GAN: variants seen among roughly 807,000 people sequenced by gnomAD.
The protein encoded by GAN is epididymis secretory sperm binding protein.
GAN carries 48 observed loss-of-function variants against 71.3 expected under a neutral mutation model. The ratio of observed to expected loss-of-function variants is 0.67; its 90% CI spans 0.53 to 0.86. GAN has a LOEUF of 0.86. Ranked by LOEUF, GAN falls within the 40% of genes least tolerant of loss-of-function variation. The probability of loss-of-function intolerance (pLI) is 0.00; values close to 1 mark genes in which losing one functional copy is unlikely to be tolerated. For synonymous variants in GAN, 386 were observed against 276.8 expected, an observed-to-expected ratio of 1.39 and a Z score of -3.92; for missense variants, 928 against 770.1, an observed-to-expected ratio of 1.21 and a Z score of -2.43.
intron 9 of GAN, among the ~76,000 whole-genome samples, chr16:81,371,346 T>A (rs1911030670): frequency 6.6e-6 from 1 of 152,246 alleles, no homozygotes; most frequent in Non-Finnish European, 1.5e-5. Flanking sequence ...AAATGGGTTC[T>A]AATTTTTCTG....
At chr16:81,347,759 G>C (rs796872382) in intron 1 of GAN, among the ~76,000 whole-genome samples, 42 of 152,234 alleles carry the variant, frequency 2.8e-4, no homozygotes, top group African/African-American at 1.0e-3. Flanking sequence ...AAGCCATTCT[G>C]ATTCTTGATC....
At chr16:81,361,748 A>G (rs2925993) in intron 5 of GAN, among the ~76,000 whole-genome samples, 136,626 of 152,302 alleles carry the variant, frequency 0.9, 61,398 homozygotes, top group East Asian at 0.99. Flanking sequence ...AGGCTGGAGT[A>G]CAATGGCATG....
chr16:81,361,287 G>C (rs1156334088), intron 5 of GAN, among the ~76,000 whole-genome samples: 3 of 152,098 alleles, frequency 2.0e-5, no homozygotes, highest in African/African-American at 4.8e-5. Flanking sequence ...AGATGTCCTG[G>C]GATGTTAGAA....
In GAN at chr16:81,354,535, G is replaced by A. The variant is rs119485092; in HGVS notation, c.413G>A (p.Arg138His). The A allele has an allele frequency of 1.9e-6, 3 of 1,613,984 alleles. No individual in the cohort carries two copies. Among genetic ancestry groups the A allele is most frequent in the South Asian group, 1.1e-5 (1 of 91,076 alleles). ...GCTGCTGAGAACTGTATTGGTATCC[G>A]TGACTTTGCACTACATTACTGCCTC... is the stretch of plus-strand genomic sequence containing the variant. ...CIAAENCIGI[R>H]DFALHYCLHH... The change falls in exon 3 of 11, where the codon CGT becomes CAT. Residue 138 changes from arginine to histidine, a missense_variant. Arg to His is a conservative substitution (Grantham distance 29). Transcript: ENST00000648994.
At chr16:81,373,224 G>C (rs1353315379) in intron 9 of GAN, among the ~76,000 whole-genome samples, 1 of 152,224 alleles carries the variant, frequency 6.6e-6, no homozygotes, top group Non-Finnish European at 1.5e-5. Context: ...TAGGGATGAT[G>C]GAGTGATGAC....
rs1904286797 is a variant in GAN at position 81,377,705 on chromosome 16, A to G, written c.*109A>G. ...AACTCACTCTGTGCTGGGCTTTGGT[A>G]TGGTAACTCTTTGGTGGTTTTATGA... On this transcript the variant is annotated 3_prime_UTR_variant, in exon 11 of 11. Transcript: ENST00000648994. The G allele has an allele frequency of 5.0e-6, 5 of 992,438 alleles. No individual in the cohort carries two copies. The highest frequency in any genetic ancestry group is 2.4e-5 in the East Asian group (1 of 42,054). The allele number at this position is 992,438 out of a possible 1,614,324, so 61.5% of individuals were successfully genotyped here. A position where few individuals can be genotyped will look rare whatever the true frequency, so the allele number is the denominator to read the frequency against.
At chr16:81,372,407 G>A (rs1911065038) in intron 9 of GAN, among the ~76,000 whole-genome samples, 1 of 152,194 alleles carries the variant, frequency 6.6e-6, no homozygotes, top group African/African-American at 2.4e-5. Flanking sequence ...GACAGATGAG[G>A]AAGCAGGCTA....
chr16:81,351,502 G>A, intron 1 of GAN, 81 bp from the exon 2 acceptor site: 3 of 744,666 alleles, frequency 4.0e-6, no homozygotes, highest in Non-Finnish European at 4.9e-6. Flanking sequence ...TATCTTATAC[G>A]TTATAGAGTT....
chr16:81,321,273 G>C (rs1446882980), intron 1 of GAN, among the ~76,000 whole-genome samples: 1 of 152,172 alleles, frequency 6.6e-6, no homozygotes. Flanking sequence ...ATTTATCGTA[G>C]AACTTTCCCG....
At chr16:81,319,602 C>T (rs1310666097) in intron 1 of GAN, among the ~76,000 whole-genome samples, 1 of 151,926 alleles carries the variant, frequency 6.6e-6, no homozygotes, top group Non-Finnish European at 1.5e-5. Context: ...CCTATTGCAA[C>T]AAAAGTTTGT....
intron 9 of GAN, among the ~76,000 whole-genome samples, chr16:81,368,961 A>G (rs1265998674): frequency 6.6e-6 from 1 of 152,180 alleles, no homozygotes; most frequent in African/African-American, 2.4e-5. Context: ...AGGGTTCTCC[A>G]TGATTTGAGG....
At position 81,382,566 on chromosome 16, in the gene GAN, G is replaced by A. The variant is rs899591230; in HGVS notation, c.*4970G>A. 1.3e-5 allele frequency: 2 copies of A among 152,212 alleles called. No homozygotes were observed. Among genetic ancestry groups the A allele is most frequent in the East Asian group, 3.8e-4 (2 of 5,200 alleles). The allele number at this position is 152,212 out of a possible 1,614,324, so 9.4% of individuals were successfully genotyped here. Reference sequence around the variant, plus strand: ...GGGAAAATAAACTATGTCTTAGAATGTTGAGGAAAGTATTTTGATAGCTTT... The same window carrying A: ...GGGAAAATAAACTATGTCTTAGAATATTGAGGAAAGTATTTTGATAGCTTT... On this transcript the variant is annotated 3_prime_UTR_variant, in exon 11 of 11. Transcript: ENST00000648994.
At chr16:81,367,666 C>G (rs770426499) in intron 9 of GAN, among the ~76,000 whole-genome samples, 1 of 152,180 alleles carries the variant, frequency 6.6e-6, no homozygotes, top group Admixed American at 6.5e-5. Context: ...GTTTAGATAA[C>G]ATTAAACACA....
intron 7 of GAN, 152 bp from the exon 8 acceptor site, chr16:81,364,822 G>C: frequency 2.6e-6 from 2 of 774,940 alleles, no homozygotes; most frequent in South Asian, 1.4e-5. Context: ...TTAAAGTCCG[G>C]TGTTGTAATA....
In GAN at chr16:81,377,579, C is replaced by T. The variant is rs886052336; in HGVS notation, c.1777C>T (p.Arg593Cys). 10 of 1,613,988 alleles carry T rather than the reference C, an allele frequency of 6.2e-6. No individual in the cohort carries two copies. In the Admixed American group the frequency reaches 1.0e-4, roughly 16 times the overall value. The change falls in exon 11 of 11, where the codon CGT becomes TGT. Residue 593 changes from arginine to cysteine, a missense_variant. Coordinates refer to ENST00000648994, the MANE Select transcript of GAN (RefSeq NM_022041.4). ...GCTTCAGCAAGGCTTATTCCGTATTCGTGTTCATTCCCCTTGAGGAGGAAG... is the reference window on the plus strand; with the variant it reads ...GCTTCAGCAAGGCTTATTCCGTATTTGTGTTCATTCCCCTTGAGGAGGAAG... ...LQLQQGLFRI[R>C]VHSP
chr16:81,320,148 TTAAATA>T (rs1223971087), intron 1 of GAN, among the ~76,000 whole-genome samples: 11 of 152,202 alleles, frequency 7.2e-5, no homozygotes, highest in African/African-American at 2.7e-4. Flanking sequence ...GTTTTGCCAT[TTAAATA>T]TAAAGTTTGA....
chr16:81,363,573 G>A (rs187091947), intron 6 of GAN, among the ~76,000 whole-genome samples: 117 of 152,334 alleles, frequency 7.7e-4, no homozygotes, highest in African/African-American at 2.7e-3. Context: ...GCATAATGCT[G>A]AGGTTTGCAG....
intron 5 of GAN, among the ~76,000 whole-genome samples, chr16:81,359,689 G>A (rs1487081031): frequency 6.6e-6 from 1 of 152,048 alleles, no homozygotes; most frequent in Non-Finnish European, 1.5e-5. Context: ...ATCAATGAGG[G>A]ATGCATTCCA....
intron 9 of GAN, among the ~76,000 whole-genome samples, chr16:81,373,236 A>T (rs1327515992): frequency 6.6e-6 from 1 of 152,112 alleles, no homozygotes; most frequent in Non-Finnish European, 1.5e-5. Flanking sequence ...AGTGATGACC[A>T]TATGACTGTG....
Sources: allele counts gnomAD v4.1 joint callset (sites outside exome capture counted in the v4.1 genomes callset), GRCh38; gene constraint gnomAD v4.1.1; transcripts MANE v1.5; gene names NCBI Gene and HGNC (gene_info 2026-07-23, HGNC 2026-07-21).